The following PAIP2B variants were observed in gnomAD, a reference collection of about 807,000 sequenced individuals.
The protein encoded by PAIP2B is polyadenylate-binding protein-interacting protein 2B.
PAIP2B carries 13 observed loss-of-function variants against 17.0 expected under a neutral mutation model. That is an observed-to-expected ratio of 0.76 (90% confidence interval 0.50 to 1.22). PAIP2B has a LOEUF of 1.22. Among genes scored for constraint, PAIP2B ranks in the 50% most tolerant of loss-of-function variants. PAIP2B has a pLI of 0.00. For synonymous variants in PAIP2B, 43 were observed against 48.7 expected (o/e 0.88, Z 0.48); for missense variants, 117 against 144.5 (o/e 0.81, Z 0.98).
At chr2:71,191,665 C>T (rs918356744) in intron 2 of PAIP2B, among the ~76,000 whole-genome samples, 1 of 152,218 alleles carries the variant, frequency 6.6e-6, no homozygotes, top group African/African-American at 2.4e-5. Context: ...CCACAAGGGA[C>T]ATGGACACTT....
intron 1 of PAIP2B, among the ~76,000 whole-genome samples, chr2:71,213,907 C>T (rs917788918): frequency 1.3e-5 from 2 of 152,174 alleles, no homozygotes; most frequent in Non-Finnish European, 2.9e-5. Context: ...CTAAGTACTT[C>T]GGTAACAGTC....
chr2:71,218,060 T>G (rs1245927128), intron 1 of PAIP2B, among the ~76,000 whole-genome samples: 1 of 152,072 alleles, frequency 6.6e-6, no homozygotes, highest in African/African-American at 2.4e-5. Context: ...GACCAAGACC[T>G]AGATAATTAC....
At chr2:71,219,748 T>C (rs1360025652) in intron 1 of PAIP2B, among the ~76,000 whole-genome samples, 3 of 152,126 alleles carry the variant, frequency 2.0e-5, no homozygotes, top group African/African-American at 7.2e-5. Flanking sequence ...ATATTTAAAA[T>C]ATAACTATCT....
chr2:71,191,462 GCA>G (rs1674685743), intron 2 of PAIP2B, among the ~76,000 whole-genome samples: 1 of 152,180 alleles, frequency 6.6e-6, no homozygotes, highest in Non-Finnish European at 1.5e-5. Context: ...TGGTTGCTGG[GCA>G]CAGAGGTGTA....
At chr2:71,219,250 T>C (rs1675517595) in intron 1 of PAIP2B, among the ~76,000 whole-genome samples, 1 of 152,034 alleles carries the variant, frequency 6.6e-6, no homozygotes, top group African/African-American at 2.4e-5. Context: ...TCTTTATATT[T>C]TGTTAAATTA....
chr2:71,222,109 C>A (rs145691726), intron 1 of PAIP2B, among the ~76,000 whole-genome samples: 23 of 152,338 alleles, frequency 1.5e-4, no homozygotes, highest in African/African-American at 5.5e-4. Context: ...TCCGTACCAT[C>A]TTTAAGAGCT....
intron 1 of PAIP2B, among the ~76,000 whole-genome samples, chr2:71,210,300 G>A (rs577954881): frequency 8.7e-4 from 133 of 152,318 alleles, no homozygotes; most frequent in Non-Finnish European, 1.8e-3. Context: ...GGGGTGAGGA[G>A]ACGTACGACA....
intron 1 of PAIP2B, among the ~76,000 whole-genome samples, chr2:71,217,287 C>T (rs1232953150): frequency 6.6e-6 from 1 of 152,160 alleles, no homozygotes; most frequent in East Asian, 1.9e-4. Flanking sequence ...GAGTCCACCA[C>T]CACGGCCCAG....
intron 2 of PAIP2B, among the ~76,000 whole-genome samples, chr2:71,199,718 C>T (rs1016635758): frequency 1.3e-5 from 2 of 152,138 alleles, no homozygotes; most frequent in Non-Finnish European, 2.9e-5. Flanking sequence ...AGGCGCCCAC[C>T]ACCTATCTTC....
At position 71,200,664 on chromosome 2, in the gene PAIP2B, A is replaced by G. The variant is rs559981601; in HGVS notation, c.138+1788T>C. Among the ~76,000 whole-genome samples the G allele has an allele frequency of 1.8e-4, 28 of 152,274 alleles. 2 individuals carry two copies. The East Asian group carries it at 5.0e-3, about 27-fold the overall frequency. ...CTACTCAGGAGGCTAAGGCAAGACAATGGTTTGAGCCTGGACTGTGGAGGT... is the reference window on the plus strand; with the variant it reads ...CTACTCAGGAGGCTAAGGCAAGACAGTGGTTTGAGCCTGGACTGTGGAGGT... On this transcript the variant is annotated intron_variant, in intron 2 of 3. Transcript: ENST00000244221.
At chr2:71,205,266 TAC>T (rs1267512068) in intron 1 of PAIP2B, among the ~76,000 whole-genome samples, 1 of 152,242 alleles carries the variant, frequency 6.6e-6, no homozygotes, top group African/African-American at 2.4e-5. Context: ...TACAATATTA[TAC>T]AGTGTTGATT....
chr2:71,201,841 A>G (rs1366237404), intron 2 of PAIP2B, among the ~76,000 whole-genome samples: 1 of 152,232 alleles, frequency 6.6e-6, no homozygotes, highest in African/African-American at 2.4e-5. Context: ...TTTCACATTG[A>G]TCACTACAGA....
chr2:71,211,964 T>C (rs556994274), intron 1 of PAIP2B, among the ~76,000 whole-genome samples: 2 of 152,314 alleles, frequency 1.3e-5, no homozygotes, highest in South Asian at 2.1e-4. Context: ...AGCCAATCAA[T>C]TGTCCTCCCA....
At chr2:71,219,152 A>G (rs1329483748) in intron 1 of PAIP2B, among the ~76,000 whole-genome samples, 3 of 146,202 alleles carry the variant, frequency 2.1e-5, no homozygotes, top group Non-Finnish European at 3.0e-5. Flanking sequence ...GGATGGTCTC[A>G]ATCTCCTGAC....
Position 71,188,427 on chromosome 2 carries a change from T to C in PAIP2B, c.*52A>G. 4 of 1,368,106 alleles carry C rather than the reference T, an allele frequency of 2.9e-6. No individual in the cohort carries two copies. The highest frequency in any genetic ancestry group is 4.1e-6 in the Non-Finnish European group (4 of 986,166). The allele number at this position is 1,368,106 out of a possible 1,614,324, so 84.7% of individuals were successfully genotyped here. Reference sequence around the variant, plus strand: ...CTCTTCAGCTCCACCATTTTGTGCATTACTATCCCCAGATGTGGGGACAGA... The same window carrying C: ...CTCTTCAGCTCCACCATTTTGTGCACTACTATCCCCAGATGTGGGGACAGA... On this transcript the variant is annotated 3_prime_UTR_variant, in exon 4 of 4. Coordinates refer to ENST00000244221, the MANE Select transcript of PAIP2B (RefSeq NM_020459.1).
rs111486096 is a variant in PAIP2B, at chr2:71,201,331, C to T, written c.138+1121G>A. Among the ~76,000 whole-genome samples, 471 of 151,938 alleles carry T rather than the reference C, an allele frequency of 3.1e-3. 4 individuals are homozygous for T. The highest frequency in any genetic ancestry group is 0.011 in the African/African-American group (446 of 41,438). On this transcript the variant is annotated intron_variant, in intron 2 of 3. Transcript: ENST00000244221. ...ATTAGGTCAACAAAAATGCCAAACACGACTGTTCTAAAATCCCATGGAAAA... is the reference window on the plus strand; with the variant it reads ...ATTAGGTCAACAAAAATGCCAAACATGACTGTTCTAAAATCCCATGGAAAA...
intron 2 of PAIP2B, among the ~76,000 whole-genome samples, chr2:71,200,122 G>A (rs1241176233): frequency 6.6e-6 from 1 of 152,120 alleles, no homozygotes; most frequent in Non-Finnish European, 1.5e-5. Flanking sequence ...CTTATTCTAT[G>A]TTTTGTTAGA....
In PAIP2B at chr2:71,186,857, T is replaced by C. The variant is rs1203471580; in HGVS notation, c.*1622A>G. ...AATGATATAATCCTAAAGACTCAAATAGGAAAAAATGTGTATTTTAAATCT... is the reference window on the plus strand; with the variant it reads ...AATGATATAATCCTAAAGACTCAAACAGGAAAAAATGTGTATTTTAAATCT... On this transcript the variant is annotated 3_prime_UTR_variant, in exon 4 of 4. Transcript: ENST00000244221. The C allele has an allele frequency of 6.6e-6, 1 of 152,118 alleles. No homozygotes were observed. Among genetic ancestry groups the C allele is most frequent in the Non-Finnish European group, 1.5e-5 (1 of 68,004 alleles). The allele number at this position is 152,118 out of a possible 1,614,324, so 9.4% of individuals were successfully genotyped here.
chr2:71,203,702 A>G (rs991349588), intron 1 of PAIP2B, among the ~76,000 whole-genome samples: 5 of 151,592 alleles, frequency 3.3e-5, no homozygotes, highest in African/African-American at 1.2e-4. Flanking sequence ...TTGTAAAAAC[A>G]TTTATTATAT....
Sources: gnomAD v4.1 joint callset for allele counts (sites outside exome capture counted in the v4.1 genomes callset) on GRCh38, gnomAD v4.1.1 for gene constraint, MANE v1.5 for transcripts, NCBI Gene and HGNC (gene_info 2026-07-23, HGNC 2026-07-21) for gene names.